MAGI1: variants seen among roughly 807,000 people sequenced by gnomAD.
MAGI1 encodes membrane associated guanylate kinase, WW and PDZ domain containing 1, also known as membrane-associated guanylate kinase, WW and PDZ domain-containing protein 1.
MAGI1 carries 58 observed loss-of-function variants against 139.9 expected under a neutral mutation model. The ratio of observed to expected loss-of-function variants is 0.41; its 90% CI spans 0.34 to 0.52. MAGI1 has a LOEUF of 0.52. Among genes scored for constraint, MAGI1 ranks in the 20% least tolerant of loss-of-function variants. MAGI1 has a pLI of 0.12. For synonymous variants in MAGI1, 812 were observed against 737.9 expected (o/e 1.10, Z -1.63); for missense variants, 1,874 against 1,901.6 (o/e 0.99, Z 0.27).
chr3:65,854,747 T>C (rs903182398), intron 1 of MAGI1, among the ~76,000 whole-genome samples: 1 of 152,180 alleles, frequency 6.6e-6, no homozygotes, highest in Non-Finnish European at 1.5e-5. Context: ...GCCTGGCTCA[T>C]CTGGTAGCAC....
At chr3:65,433,458 A>G (rs2107361993) in intron 10 of MAGI1, among the ~76,000 whole-genome samples, 1 of 152,278 alleles carries the variant, frequency 6.6e-6, no homozygotes, top group African/African-American at 2.4e-5. Flanking sequence ...AGGGTTTCAC[A>G]TTTATGCACA....
intron 13 of MAGI1, among the ~76,000 whole-genome samples, chr3:65,392,998 T>C (rs1944059680): frequency 6.6e-6 from 1 of 152,188 alleles, no homozygotes; most frequent in Non-Finnish European, 1.5e-5. Flanking sequence ...ACATACACTG[T>C]TGCAGATGCC....
rs554004227 is a variant in MAGI1, at chr3:65,935,040, GA to G, written c.313+102955del. Among the ~76,000 whole-genome samples the G allele has an allele frequency of 7.2e-5, 11 of 152,246 alleles. 1 individual carries two copies. In the South Asian group the frequency reaches 2.3e-3, roughly 32 times the overall value. The stretch of plus-strand genomic sequence containing the variant: ...GAATGATTAGTGCTATTATGACAAG[GA>G]AAGCATAGGGAACTATTCGATCAAA... On this transcript the variant is annotated intron_variant, in intron 1 of 22. Transcript: ENST00000402939.
chr3:65,661,842 G>T (rs1453715663), intron 1 of MAGI1, among the ~76,000 whole-genome samples: 1 of 146,370 alleles, frequency 6.8e-6, no homozygotes, highest in Non-Finnish European at 1.5e-5. Context: ...CTGCCTCCTG[G>T]GTTCATGCCA....
chr3:65,952,104 G>C (rs2063888875), intron 1 of MAGI1, among the ~76,000 whole-genome samples: 1 of 152,196 alleles, frequency 6.6e-6, no homozygotes, highest in Non-Finnish European at 1.5e-5. Flanking sequence ...TTAGGGGTTA[G>C]TGAAAGTGTA....
In MAGI1 at chr3:65,684,755, G is replaced by A. The variant is rs968546109; in HGVS notation, c.314-62667C>T. 3.3e-5 allele frequency among the ~76,000 whole-genome samples: 5 copies of A among 151,910 alleles called. No homozygotes were observed. The East Asian group carries it at 9.7e-4, about 29-fold the overall frequency. On this transcript the variant is annotated intron_variant, in intron 1 of 22. Transcript: ENST00000402939. ...CCTCCTCTGTCACCCTGGCAAGAGT[G>A]CAGTGCCATGATCTCAGCTCACTGT...
intron 2 of MAGI1, among the ~76,000 whole-genome samples, chr3:65,591,804 T>C (rs1204901088): frequency 6.6e-6 from 1 of 152,208 alleles, no homozygotes; most frequent in African/African-American, 2.4e-5. Context: ...TTGCAATGGA[T>C]TGGCTTTTAC....
rs965098671 is a variant in MAGI1 at position 65,517,747 on chromosome 3, C to G, written c.431-24116G>C. On this transcript the variant is annotated intron_variant, in intron 2 of 22. Transcript: ENST00000402939. ...TGCCACAGGGATCCCTCCTCTGAGC[C>G]TCGAGACTCAAACAACTCCAAACTC... 3.3e-5 allele frequency among the ~76,000 whole-genome samples: 5 copies of G among 152,214 alleles called. No individual in the cohort carries two copies. In the East Asian group the frequency reaches 9.7e-4, roughly 30 times the overall value.
At chr3:65,810,924 C>A (rs1330075265) in intron 1 of MAGI1, among the ~76,000 whole-genome samples, 2 of 152,200 alleles carry the variant, frequency 1.3e-5, no homozygotes, top group Non-Finnish European at 1.5e-5. Context: ...CATTACCTTG[C>A]AAGTACATGG....
intron 14 of MAGI1, among the ~76,000 whole-genome samples, chr3:65,389,212 C>T (rs1041754417): frequency 2.0e-5 from 3 of 152,114 alleles, no homozygotes; most frequent in East Asian, 1.9e-4. Context: ...GGCCACATTA[C>T]ATATTTTCCT....
In MAGI1 at chr3:65,429,491, A is replaced by G. The variant is rs1419837110; in HGVS notation, c.2167+29T>C. 1.9e-6 allele frequency: 3 copies of G among 1,548,674 alleles called. No homozygotes were observed. In the South Asian group the frequency reaches 3.7e-5, roughly 19 times the overall value. ...AGCAATGAATTTGGGATAAAAAAAA[A>G]ATTCAAAGAACAAAACAACCCTACT... On this transcript the variant is annotated intron_variant, in intron 12 of 22. Coordinates refer to ENST00000402939, the MANE Select transcript of MAGI1 (RefSeq NM_001033057.2).
chr3:65,568,127 G>A (rs962135028), intron 2 of MAGI1, among the ~76,000 whole-genome samples: 13 of 152,124 alleles, frequency 8.5e-5, no homozygotes, highest in Middle Eastern at 3.4e-3. Flanking sequence ...ACTGGTGAAG[G>A]GCCAAACTCC....
intron 1 of MAGI1, among the ~76,000 whole-genome samples, chr3:65,782,613 C>A (rs1229445845): frequency 1.6e-3 from 98 of 60,556 alleles, no homozygotes; most frequent in African/African-American, 2.0e-3. Context: ...ATTTCTTAAG[C>A]AAAAAAAAAA....
At chr3:65,667,476 G>A (rs1283529272) in intron 1 of MAGI1, among the ~76,000 whole-genome samples, 4 of 152,186 alleles carry the variant, frequency 2.6e-5, no homozygotes, top group Non-Finnish European at 4.4e-5. Flanking sequence ...GACTGGGGAA[G>A]GAATGCCTGC....
chr3:66,027,917 C>G (rs1283549079), intron 1 of MAGI1, among the ~76,000 whole-genome samples: 1 of 152,200 alleles, frequency 6.6e-6, no homozygotes, highest in Non-Finnish European at 1.5e-5. Context: ...TGGCTCCAGA[C>G]GTTGCCAAAT....
intron 1 of MAGI1, among the ~76,000 whole-genome samples, chr3:65,985,377 C>T (rs2107311777): frequency 6.6e-6 from 1 of 152,252 alleles, no homozygotes; most frequent in African/African-American, 2.4e-5. Flanking sequence ...TCATTTTGGT[C>T]ATATGCAGAA....
chr3:65,964,822 G>C (rs1272831339), intron 1 of MAGI1, among the ~76,000 whole-genome samples: 4 of 152,078 alleles, frequency 2.6e-5, no homozygotes, highest in Admixed American at 6.6e-5. Flanking sequence ...CCTTTTTTAT[G>C]TTCAACAGCC....
intron 2 of MAGI1, among the ~76,000 whole-genome samples, chr3:65,578,777 G>A (rs144422439): frequency 3.3e-4 from 50 of 152,112 alleles, no homozygotes; most frequent in Non-Finnish European, 5.7e-4. Flanking sequence ...AGAAACTAGC[G>A]GGGCGTGGTG....
intron 1 of MAGI1, among the ~76,000 whole-genome samples, chr3:65,766,435 C>T (rs1043902224): frequency 1.3e-5 from 2 of 152,050 alleles, no homozygotes; most frequent in Non-Finnish European, 2.9e-5. Flanking sequence ...TTCGAAACTA[C>T]GTTGCAAGGG....
Sources: allele counts gnomAD v4.1 joint callset (sites outside exome capture counted in the v4.1 genomes callset), GRCh38; gene constraint gnomAD v4.1.1; transcripts MANE v1.5; gene names NCBI Gene and HGNC (gene_info 2026-07-23, HGNC 2026-07-21).